DOP1B: variants seen among roughly 807,000 people sequenced by gnomAD.
The protein encoded by DOP1B is protein DOP1B.
Under a neutral mutation model 233.5 loss-of-function variants are expected in DOP1B, and 174 were observed. The observed-to-expected ratio is 0.75, with a 90% CI of 0.66 to 0.85. DOP1B has a LOEUF of 0.85. Ranked by LOEUF, DOP1B falls within the 40% of genes least tolerant of loss-of-function variation. DOP1B has a pLI of 0.00. For missense variants in DOP1B, 2,652 were observed against 2,846.6 expected, an observed-to-expected ratio of 0.93 and a Z score of 1.56; for synonymous variants, 1,190 against 1,185.6, an observed-to-expected ratio of 1.00 and a Z score of -0.08.
intron 21 of DOP1B, among the ~76,000 whole-genome samples, chr21:36,248,879 T>C (rs140291127): frequency 6.6e-6 from 1 of 151,452 alleles, no homozygotes; most frequent in African/African-American, 2.4e-5. Context: ...CCAAGGCGGA[T>C]GGATCTCCTG....
intron 1 of DOP1B, among the ~76,000 whole-genome samples, chr21:36,164,094 A>G (rs1401426701): frequency 1.3e-5 from 2 of 152,188 alleles, no homozygotes; most frequent in African/African-American, 2.4e-5. Flanking sequence ...GTTACCATGA[A>G]CAAAACCAGT....
intron 5 of DOP1B, among the ~76,000 whole-genome samples, chr21:36,211,314 C>G (rs2066494867): frequency 6.6e-6 from 1 of 152,206 alleles, no homozygotes; most frequent in Non-Finnish European, 1.5e-5. Context: ...ACCCGGCCAT[C>G]TGGTCCAAAC....
At chr21:36,237,142 T>C in intron 15 of DOP1B, 120 bp from the exon 16 acceptor site, 1 of 1,352,656 alleles carries the variant, frequency 7.4e-7, no homozygotes, top group Non-Finnish European at 1.0e-6. Context: ...TGGAGGATTC[T>C]CACATGGCAA....
intron 2 of DOP1B, among the ~76,000 whole-genome samples, chr21:36,183,832 C>T (rs888023625): frequency 6.6e-6 from 1 of 151,062 alleles, no homozygotes; most frequent in Non-Finnish European, 1.5e-5. Flanking sequence ...GCCCAGCTTT[C>T]ATGCCATCTT....
chr21:36,256,089 G>A (rs1167430948), intron 23 of DOP1B, among the ~76,000 whole-genome samples: 1 of 152,018 alleles, frequency 6.6e-6, no homozygotes, highest in East Asian at 1.9e-4. Context: ...TAAAAACCAG[G>A]GATTTATTTC....
intron 2 of DOP1B, among the ~76,000 whole-genome samples, chr21:36,185,403 T>C (rs1190368649): frequency 2.2e-4 from 34 of 152,316 alleles, no homozygotes. Flanking sequence ...CTGAGACTGT[T>C]AGCTCTTAGA....
In DOP1B at chr21:36,276,913, G is replaced by T. The variant is rs535729278; in HGVS notation, c.5633-108G>T. ...TACCTGAGTCATATGGACACAATTGGTATGAAAGGCGGGAGCTGATGGCTC... is the reference window on the plus strand; with the variant it reads ...TACCTGAGTCATATGGACACAATTGTTATGAAAGGCGGGAGCTGATGGCTC... On this transcript the variant is annotated intron_variant, in intron 27 of 36. Coordinates refer to ENST00000691173, the MANE Select transcript of DOP1B (RefSeq NM_001320714.2). 1,086 of 973,782 alleles carry T rather than the reference G, an allele frequency of 1.1e-3. 10 individuals carry two copies. In the African/African-American group the frequency reaches 0.016, roughly 14 times the overall value. The allele number at this position is 973,782 out of a possible 1,614,324, so 60.3% of individuals were successfully genotyped here. A position where few individuals can be genotyped will look rare whatever the true frequency, so the allele number is the denominator to read the frequency against.
rs1269174170 is a variant in DOP1B, at chr21:36,240,881, TAAGAAG to T, written c.3067+930_3067+935del. Among the ~76,000 whole-genome samples, 3 of 152,192 alleles carry T rather than the reference TAAGAAG, an allele frequency of 2.0e-5. No individual in the cohort carries two copies. In the East Asian group the frequency reaches 5.8e-4, roughly 29 times the overall value. On this transcript the variant is annotated intron_variant, in intron 18 of 36. Coordinates refer to ENST00000691173, the MANE Select transcript of DOP1B (RefSeq NM_001320714.2). ...TGAGGCAGAAATTTAAAAATAATAA[TAAGAAG>T]AAGTACTGCATTCATTCATTCCAAG...
intron 36 of DOP1B, 38 bp downstream of exon 36, chr21:36,292,271 T>G (rs748164620): frequency 4.1e-6 from 6 of 1,461,072 alleles, no homozygotes; most frequent in Non-Finnish European, 5.5e-6. Flanking sequence ...TTTTTTTTTT[T>G]GGTGAGACAG....
chr21:36,244,458 C>G (rs569406760), intron 18 of DOP1B, among the ~76,000 whole-genome samples: 1 of 152,108 alleles, frequency 6.6e-6, no homozygotes, highest in South Asian at 2.1e-4. Context: ...GAGTTTCGCT[C>G]TTGTTGCCCA....
chr21:36,279,764 AG>A (rs1448437622), intron 30 of DOP1B, among the ~76,000 whole-genome samples: 2 of 152,064 alleles, frequency 1.3e-5, no homozygotes, highest in African/African-American at 4.8e-5. Flanking sequence ...AACTGGAAAA[AG>A]TCATCATTCA....
At position 36,281,630 on chromosome 21, in the gene DOP1B, T is replaced by A. The variant is rs1442908843; in HGVS notation, c.6160+19T>A. On this transcript the variant is annotated intron_variant, in intron 32 of 36. Coordinates refer to ENST00000691173, the MANE Select transcript of DOP1B (RefSeq NM_001320714.2). ...ATACAAGGTAAGACAGCTGTCTTAG[T>A]CTGTTTTTTGCTGCTATAACAGAAT... 6.5e-7 allele frequency: 1 copy of A among 1,548,312 alleles called. No homozygotes were observed. Among genetic ancestry groups the A allele is most frequent in the Non-Finnish European group, 8.8e-7 (1 of 1,136,822 alleles).
At chr21:36,238,222 T>C (rs1298421962) in intron 16 of DOP1B, among the ~76,000 whole-genome samples, 1 of 152,196 alleles carries the variant, frequency 6.6e-6, no homozygotes, top group Non-Finnish European at 1.5e-5. Context: ...GAATATATTT[T>C]ATTGAGAATT....
At chr21:36,223,147 G>T (rs150912376) in intron 10 of DOP1B, 84 bp from the exon 11 acceptor site, 119 of 1,418,872 alleles carry the variant, frequency 8.4e-5, no homozygotes, top group Non-Finnish European at 3.6e-5. Flanking sequence ...TGCAGATGGT[G>T]AAATCAATTA....
chr21:36,285,952 G>C (rs1300447492), intron 32 of DOP1B, among the ~76,000 whole-genome samples: 1 of 152,050 alleles, frequency 6.6e-6, no homozygotes, highest in East Asian at 1.9e-4. Flanking sequence ...AGGTTGCAAT[G>C]AGCCGAGATC....
chr21:36,254,623 AAC>A (rs935447161), intron 23 of DOP1B, among the ~76,000 whole-genome samples: 4 of 152,168 alleles, frequency 2.6e-5, no homozygotes, highest in East Asian at 1.9e-4. Context: ...GTCCTTGAGA[AAC>A]ACATTCCTAG....
chr21:36,279,920 G>A (rs984528915), intron 30 of DOP1B, among the ~76,000 whole-genome samples: 1 of 152,130 alleles, frequency 6.6e-6, no homozygotes, highest in Non-Finnish European at 1.5e-5. Context: ...TTGTTGCCCA[G>A]GCTAGAGTGC....
chr21:36,210,016 G>A (rs2066476142), intron 5 of DOP1B, among the ~76,000 whole-genome samples: 1 of 151,952 alleles, frequency 6.6e-6, no homozygotes, highest in Non-Finnish European at 1.5e-5. Flanking sequence ...CAGGACACAG[G>A]CGACCCCGAT....
At chr21:36,292,722 G>A (rs574296192) in intron 36 of DOP1B, among the ~76,000 whole-genome samples, 17 of 147,322 alleles carry the variant, frequency 1.2e-4, no homozygotes, top group South Asian at 8.8e-4. Context: ...AGCAATTCCC[G>A]CACCTCAGCT....
Sources: allele counts gnomAD v4.1 joint callset (sites outside exome capture counted in the v4.1 genomes callset), GRCh38; gene constraint gnomAD v4.1.1; transcripts MANE v1.5; gene names NCBI Gene and HGNC (gene_info 2026-07-23, HGNC 2026-07-21).